COL4A2: variants seen among roughly 807,000 people sequenced by gnomAD.
COL4A2 encodes the protein collagen alpha-2(IV) chain.
COL4A2 carries 99 observed loss-of-function variants against 200.2 expected under a neutral mutation model. The ratio of observed to expected loss-of-function variants is 0.49; its 90% CI spans 0.42 to 0.58. The LOEUF is 0.58. Among genes scored for constraint, COL4A2 ranks in the 20% least tolerant of loss-of-function variants. The pLI is 0.00. For synonymous variants in COL4A2, 897 were observed against 900.6 expected, an observed-to-expected ratio of 1.00 and a Z score of 0.07; for missense variants, 1,950 against 2,314.1, an observed-to-expected ratio of 0.84 and a Z score of 3.23.
chr13:110,331,962 T>C (rs1458409225), intron 3 of COL4A2, among the ~76,000 whole-genome samples: 3 of 152,196 alleles, frequency 2.0e-5, no homozygotes, highest in African/African-American at 7.2e-5. Context: ...CTTAATGATG[T>C]CCAATAAGCT....
chr13:110,334,877 G>A (rs778355047), intron 3 of COL4A2, among the ~76,000 whole-genome samples: 1 of 152,206 alleles, frequency 6.6e-6, no homozygotes, highest in Non-Finnish European at 1.5e-5. Context: ...AATGCTGAAC[G>A]TTCTCCCGGA....
intron 3 of COL4A2, among the ~76,000 whole-genome samples, chr13:110,324,959 T>C (rs1885368607): frequency 6.6e-6 from 1 of 152,214 alleles, no homozygotes; most frequent in South Asian, 2.1e-4. Flanking sequence ...TCTTTATCTT[T>C]TGACGTGTGG....
chr13:110,334,904 C>T (rs965998990), intron 3 of COL4A2, among the ~76,000 whole-genome samples: 3 of 152,168 alleles, frequency 2.0e-5, no homozygotes, highest in Non-Finnish European at 2.9e-5. Context: ...CTGCTTCAGC[C>T]CTCGGTCTGA....
At chr13:110,488,109 C>T (rs1883168461) in intron 34 of COL4A2, among the ~76,000 whole-genome samples, 1 of 152,212 alleles carries the variant, frequency 6.6e-6, no homozygotes. Context: ...TCACTGCAAC[C>T]ACTGCCTCCT....
intron 3 of COL4A2, among the ~76,000 whole-genome samples, chr13:110,322,106 G>C (rs922977905): frequency 4.6e-5 from 7 of 152,200 alleles, no homozygotes; most frequent in African/African-American, 1.4e-4. Flanking sequence ...TTCTTTGGTT[G>C]ACAGGTTTCA....
At chr13:110,488,491 C>A (rs1883180247) in intron 34 of COL4A2, among the ~76,000 whole-genome samples, 1 of 152,212 alleles carries the variant, frequency 6.6e-6, no homozygotes, top group Admixed American at 6.5e-5. Flanking sequence ...CACCGAGCAA[C>A]TCAGGCATCT....
chr13:110,380,746 TGC>T, intron 4 of COL4A2, among the ~76,000 whole-genome samples: 1 of 138,984 alleles, frequency 7.2e-6, no homozygotes, highest in Admixed American at 7.3e-5. Context: ...CATACCCACG[TGC>T]TCTGTCTCAC....
At position 110,486,212 on chromosome 13, in the gene COL4A2, G is replaced by A. The variant is rs566974215; in HGVS notation, c.3207+376G>A. Among the ~76,000 whole-genome samples, 375 of 152,314 alleles carry A rather than the reference G, an allele frequency of 2.5e-3. 2 individuals are homozygous for A. The highest frequency in any genetic ancestry group is 7.8e-3 in the African/African-American group (326 of 41,576). ...CGAATCACAGCGTAGACCTGGGCCCGGCAGCCTGGCTTCCCATCCGGGCCA... is the reference window on the plus strand; with the variant it reads ...CGAATCACAGCGTAGACCTGGGCCCAGCAGCCTGGCTTCCCATCCGGGCCA... On this transcript the variant is annotated intron_variant, in intron 34 of 47. Coordinates refer to ENST00000360467, the MANE Select transcript of COL4A2 (RefSeq NM_001846.4).
At chr13:110,319,580 G>A (rs1428134900) in intron 3 of COL4A2, among the ~76,000 whole-genome samples, 2 of 152,244 alleles carry the variant, frequency 1.3e-5, no homozygotes, top group African/African-American at 4.8e-5. Context: ...AGACTAGCCC[G>A]TACCCTCCAA....
chr13:110,309,670 A>C (rs1389990285), intron 3 of COL4A2, among the ~76,000 whole-genome samples: 1 of 152,136 alleles, frequency 6.6e-6, no homozygotes, highest in Non-Finnish European at 1.5e-5. Flanking sequence ...TGGTAGAAAG[A>C]CCACCAAGCA....
chr13:110,440,796 GAC>G (rs1053010022), intron 16 of COL4A2, among the ~76,000 whole-genome samples: 1 of 152,070 alleles, frequency 6.6e-6, no homozygotes, highest in African/African-American at 2.4e-5. Context: ...AGGCTCCCCA[GAC>G]ACCACCACTG....
At chr13:110,369,670 T>G (rs1375390539) in intron 4 of COL4A2, among the ~76,000 whole-genome samples, 1 of 152,150 alleles carries the variant, frequency 6.6e-6, no homozygotes, top group Non-Finnish European at 1.5e-5. Flanking sequence ...AAATTTTAGC[T>G]TTAACACGTG....
intron 30 of COL4A2, among the ~76,000 whole-genome samples, chr13:110,479,358 G>T (rs1882811747): frequency 6.9e-5 from 1 of 14,416 alleles, no homozygotes; most frequent in Non-Finnish European, 1.7e-4. Flanking sequence ...GGACAGGCAG[G>T]TCAGAGCAAG....
At chr13:110,359,876 C>T (rs1877441418) in intron 4 of COL4A2, among the ~76,000 whole-genome samples, 1 of 152,228 alleles carries the variant, frequency 6.6e-6, no homozygotes, top group African/African-American at 2.4e-5. Flanking sequence ...CCACCTGCTG[C>T]ATTCATCATT....
At chr13:110,476,645 T>C (rs1882715581) in intron 29 of COL4A2, among the ~76,000 whole-genome samples, 1 of 152,248 alleles carries the variant, frequency 6.6e-6, no homozygotes, top group East Asian at 1.9e-4. Context: ...GCTACGTGAG[T>C]GTGTGGACTG....
At chr13:110,321,900 A>G (rs1885287127) in intron 3 of COL4A2, among the ~76,000 whole-genome samples, 1 of 152,230 alleles carries the variant, frequency 6.6e-6, no homozygotes, top group African/African-American at 2.4e-5. Flanking sequence ...TAATTCAGTT[A>G]GCTCCACCTG....
chr13:110,502,755 C>T (rs1883692578), intron 41 of COL4A2: 4 of 213,360 alleles, frequency 1.9e-5, no homozygotes, highest in Non-Finnish European at 2.8e-5. Context: ...TACGAGGCCC[C>T]TGAAGTCATC....
intron 34 of COL4A2, among the ~76,000 whole-genome samples, chr13:110,488,179 C>T (rs1883170400): frequency 6.6e-6 from 1 of 152,202 alleles, no homozygotes; most frequent in Non-Finnish European, 1.5e-5. Context: ...GCGCACGCCA[C>T]CACGCCCAGC....
At chr13:110,316,966 A>G (rs1299647617) in intron 3 of COL4A2, among the ~76,000 whole-genome samples, 1 of 152,232 alleles carries the variant, frequency 6.6e-6, no homozygotes, top group Non-Finnish European at 1.5e-5. Flanking sequence ...TAGAGATAAA[A>G]GAGAGAGAGA....
Sources: allele counts gnomAD v4.1 joint callset (sites outside exome capture counted in the v4.1 genomes callset), GRCh38; gene constraint gnomAD v4.1.1; transcripts MANE v1.5; gene names NCBI Gene and HGNC (gene_info 2026-07-23, HGNC 2026-07-21).